SHPK: variants seen among roughly 807,000 people sequenced by gnomAD.
SHPK encodes the protein carbohydrate kinase-like protein.
Under a neutral mutation model 46.3 loss-of-function variants are expected in SHPK, and 51 were observed. The observed-to-expected ratio is 1.10, with a 90% CI of 0.88 to 1.39. The LOEUF is 1.39. Among genes scored for constraint, SHPK ranks in the 40% most tolerant of loss-of-function variants. The probability of loss-of-function intolerance (pLI) is 0.00; values close to 1 mark genes in which losing one functional copy is unlikely to be tolerated. For synonymous variants in SHPK, 290 were observed against 273.9 expected (o/e 1.06, Z -0.58); for missense variants, 668 against 641.3 (o/e 1.04, Z -0.45).
Position 3,636,083 on chromosome 17 carries a change from G to A in SHPK, c.137C>T (p.Ala46Val). 6.3e-7 allele frequency: 1 copy of A among 1,594,770 alleles called. No individual in the cohort carries two copies. Among genetic ancestry groups the A allele is most frequent in the South Asian group, 1.1e-5 (1 of 88,696 alleles). Residue 46 changes from alanine (A) to valine (V), a missense_variant, in exon 1 of 7, where the codon GCG (alanine) becomes GTG (valine). Ala to Val is a moderately conservative substitution (Grantham distance 64). Coordinates refer to ENST00000225519, the MANE Select transcript of SHPK (RefSeq NM_013276.4). ...ASCARAARAE[A>V]AVESAVAGPQ... is the part of the protein sequence containing the mutation. ...CCCGGCCACCGCGCTCTCGACCGCC[G>A]CCTCTGCCCGCGCAGCACGGGCACA...
intron 6 of SHPK, among the ~76,000 whole-genome samples, chr17:3,614,919 A>T (rs1904993319): frequency 6.6e-6 from 1 of 152,164 alleles, no homozygotes; most frequent in Non-Finnish European, 1.5e-5. Flanking sequence ...GCTTCTCAGG[A>T]TATAAGTGCA....
At chr17:3,619,121 C>A in intron 5 of SHPK, 1 of 265,012 alleles carries the variant, frequency 3.8e-6, no homozygotes, top group Non-Finnish European at 7.2e-6. Context: ...ATTTACATAA[C>A]TTAAATTGTT....
At chr17:3,635,436 C>T (rs2075512810) in intron 1 of SHPK, among the ~76,000 whole-genome samples, 1 of 152,096 alleles carries the variant, frequency 6.6e-6, no homozygotes, top group Non-Finnish European at 1.5e-5. Context: ...GGGGTTTCAC[C>T]GTGTTAGCCA....
At chr17:3,617,514 G>C (rs985767250) in intron 5 of SHPK, among the ~76,000 whole-genome samples, 2 of 152,278 alleles carry the variant, frequency 1.3e-5, no homozygotes, top group South Asian at 4.1e-4. Flanking sequence ...AGTAGAAAAG[G>C]TTCCAGGAAG....
chr17:3,622,435 C>T, intron 4 of SHPK: 1 of 303,998 alleles, frequency 3.3e-6, no homozygotes, highest in Non-Finnish European at 4.8e-6. Flanking sequence ...GAGCACAGCC[C>T]AAACCAAAGT....
chr17:3,633,970 C>T (rs1047845345), intron 1 of SHPK, among the ~76,000 whole-genome samples: 2 of 149,866 alleles, frequency 1.3e-5, no homozygotes, highest in African/African-American at 4.9e-5. Context: ...GACCTTACCC[C>T]CAACCCTGTG....
intron 2 of SHPK, 27 bp from the exon 3 acceptor site, chr17:3,624,258 GAAGAA>G (rs1335782688): frequency 1.5e-6 from 2 of 1,354,674 alleles, no homozygotes; most frequent in South Asian, 2.6e-5. Context: ...GACCAAAAAT[GAAGAA>G]AAGAGCAAAT....
At chr17:3,634,997 C>A (rs763070719) in intron 1 of SHPK, among the ~76,000 whole-genome samples, 1 of 151,758 alleles carries the variant, frequency 6.6e-6, no homozygotes, top group East Asian at 1.9e-4. Flanking sequence ...CATGGCGAAA[C>A]CCTGTCTCTA....
intron 6 of SHPK, 30 bp from the exon 7 acceptor site, chr17:3,611,002 C>G (rs116156506): frequency 6.4e-7 from 1 of 1,568,198 alleles, no homozygotes; most frequent in Non-Finnish European, 8.7e-7. Flanking sequence ...TCTGTGTAAG[C>G]TCATGCGTCC....
chr17:3,633,857 C>T (rs2075489023), intron 1 of SHPK, among the ~76,000 whole-genome samples: 2 of 152,026 alleles, frequency 1.3e-5, no homozygotes, highest in South Asian at 2.1e-4. Context: ...ATTGAGAAAT[C>T]GGATGGTTGC....
In SHPK at chr17:3,621,379, G is replaced by C; in HGVS notation, c.681C>G (p.Leu227=). 2 of 1,614,098 alleles carry C rather than the reference G, an allele frequency of 1.2e-6. No homozygotes were observed. The highest frequency in any genetic ancestry group is 1.7e-6 in the Non-Finnish European group (2 of 1,179,978). The part of the protein sequence containing the change: ...LRSSGFPVHL[L]PDIAEPGSVA... ...CACTGCCAGGCTCGGCGATGTCTGG[G>C]AGCAGGTGGACAGGAAAACCCGAGC... The change falls in exon 5 of 7, where the codon CTC becomes CTG. Residue 227 remains leucine (L), a synonymous_variant. Coordinates refer to ENST00000225519, the MANE Select transcript of SHPK (RefSeq NM_013276.4).
At chr17:3,629,894 T>C (rs1360742379) in intron 2 of SHPK, among the ~76,000 whole-genome samples, 1 of 151,928 alleles carries the variant, frequency 6.6e-6, no homozygotes, top group Admixed American at 6.6e-5. Flanking sequence ...GATACTGACA[T>C]GGTAAAGAGA....
At chr17:3,625,842 G>T (rs542704226) in intron 2 of SHPK, among the ~76,000 whole-genome samples, 3 of 152,098 alleles carry the variant, frequency 2.0e-5, no homozygotes, top group African/African-American at 4.8e-5. Flanking sequence ...CACCTGAGGT[G>T]AGGAGTTCGA....
chr17:3,633,234 G>A (rs1282059360), intron 1 of SHPK, among the ~76,000 whole-genome samples: 1 of 151,728 alleles, frequency 6.6e-6, no homozygotes, highest in African/African-American at 2.4e-5. Flanking sequence ...ACCCACCTCC[G>A]CCTCCCAAAG....
In SHPK at chr17:3,624,221, C is replaced by G. The variant is rs777556698; in HGVS notation, c.321G>C (p.Trp107Cys). ...VFWKTGQGCE[W>C]TEGGITPVFE... Reference sequence around the variant, plus strand: ...ACACCGGGGTAATCCCTCCCTCTGTCCATTCACAGCCTGGAACAAAAGAGA... The same window carrying G: ...ACACCGGGGTAATCCCTCCCTCTGTGCATTCACAGCCTGGAACAAAAGAGA... Residue 107 changes from tryptophan (W) to cysteine (C), a missense_variant, in exon 3 of 7, where the codon TGG (tryptophan) becomes TGC (cysteine). Trp to Cys is a radical substitution (Grantham distance 215). Coordinates refer to ENST00000225519, the MANE Select transcript of SHPK (RefSeq NM_013276.4). 6.2e-7 allele frequency: 1 copy of G among 1,609,344 alleles called. No homozygotes were observed. The highest frequency in any genetic ancestry group is 2.2e-5 in the East Asian group (1 of 44,780).
At chr17:3,627,147 T>C (rs2075443345) in intron 2 of SHPK, among the ~76,000 whole-genome samples, 1 of 152,148 alleles carries the variant, frequency 6.6e-6, no homozygotes, top group Non-Finnish European at 1.5e-5. Flanking sequence ...TGTTCTCTCT[T>C]AGTTACTGGT....
intron 1 of SHPK, among the ~76,000 whole-genome samples, chr17:3,635,254 G>GGGAA (rs1408202604): frequency 6.7e-6 from 1 of 150,166 alleles, no homozygotes; most frequent in Non-Finnish European, 1.5e-5. Flanking sequence ...AGGGAAGGAA[G>GGGAA]GGAAGGAGTC....
chr17:3,622,491 G>T (rs867505491), intron 4 of SHPK: 2 of 627,548 alleles, frequency 3.2e-6, no homozygotes, highest in Non-Finnish European at 4.0e-6. Context: ...GTCACTCAGG[G>T]TTAGTGAATG....
At chr17:3,626,685 G>A (rs2075439632) in intron 2 of SHPK, among the ~76,000 whole-genome samples, 1 of 145,970 alleles carries the variant, frequency 6.9e-6, no homozygotes, top group Non-Finnish European at 1.5e-5. Context: ...TTGCGCCACT[G>A]CACTCCAGCT....
Sources: allele counts gnomAD v4.1 joint callset (sites outside exome capture counted in the v4.1 genomes callset), GRCh38; gene constraint gnomAD v4.1.1; transcripts MANE v1.5; gene names NCBI Gene and HGNC (gene_info 2026-07-23, HGNC 2026-07-21).